Variants in EPHX3 observed in about 807,000 individuals in gnomAD.
EPHX3 encodes the protein epoxide hydrolase 3, also known as abhydrolase domain containing 9.
EPHX3 carries 39 observed loss-of-function variants against 40.2 expected under a neutral mutation model. The observed-to-expected ratio is 0.97, with a 90% confidence interval of 0.75 to 1.27. The LOEUF is 1.27. EPHX3 is among the 50% of genes most tolerant of loss of function. The probability of loss-of-function intolerance (pLI) is 0.00; values close to 1 mark genes in which losing one functional copy is unlikely to be tolerated. For missense variants in EPHX3, 442 were observed against 474.0 expected, an observed-to-expected ratio of 0.93 and a Z score of 0.63; for synonymous variants, 213 against 209.7, an observed-to-expected ratio of 1.02 and a Z score of -0.14.
At chr19:15,230,862 CT>C (rs1166630755) in intron 4 of EPHX3, 99 bp downstream of exon 4, 48 of 1,507,418 alleles carry the variant, frequency 3.2e-5, no homozygotes, top group Non-Finnish European at 4.0e-5. Context: ...CCCTCAGCCC[CT>C]GATGTGTTGA....
In EPHX3 at chr19:15,231,096, G is replaced by A. The variant is rs1463359125; in HGVS notation, c.488-6C>T. The A allele has an allele frequency of 1.2e-6, 2 of 1,613,888 alleles. No individual in the cohort carries two copies. The highest frequency in any genetic ancestry group is 1.6e-4 in the Middle Eastern group (1 of 6,062). ...AAGGATGCACTTCGAGTAACCTGTG[G>A]GAATTCAAGGAGCTCGCATAAGTGA... On this transcript the variant is annotated splice_polypyrimidine_tract_variant and splice_region_variant and intron_variant, in intron 3 of 6. Coordinates refer to ENST00000221730, the MANE Select transcript of EPHX3 (RefSeq NM_024794.3).
chr19:15,227,154 C>A lies in EPHX3; in HGVS notation c.*283G>T, dbSNP rs1041947546. ...CCAGGAAGGGAGGAGGTGGGACACT[C>A]GGTCTCGGCATCTGGCTCCACTGGA... On this transcript the variant is annotated 3_prime_UTR_variant, in exon 7 of 7. Transcript: ENST00000221730. 2.8e-5 allele frequency: 12 copies of A among 431,530 alleles called. No homozygotes were observed. The highest frequency in any genetic ancestry group is 4.2e-5 in the Non-Finnish European group (10 of 236,812). The allele number at this position is 431,530 out of a possible 1,614,324, so 26.7% of individuals were successfully genotyped here.
chr19:15,229,647 C>A (rs1483680153), intron 4 of EPHX3, among the ~76,000 whole-genome samples: 1 of 149,484 alleles, frequency 6.7e-6, no homozygotes, highest in African/African-American at 2.5e-5. Flanking sequence ...ATACTCCCAG[C>A]ACTTTGAGAG....
Position 15,227,610 on chromosome 19 carries a change from C to T in EPHX3, c.910G>A (p.Gly304Arg), listed in dbSNP as rs377371941. Residue 304 changes from glycine to arginine, a missense_variant, in exon 7 of 7, where the codon GGG becomes AGG. Coordinates refer to ENST00000221730, the MANE Select transcript of EPHX3 (RefSeq NM_024794.3). ...ELTTPTLLLWGEKDTYLELGL... is the reference protein window; with the variant it reads ...ELTTPTLLLWREKDTYLELGL... ...AGCTCCAAGTAAGTGTCCTTCTCCC[C>T]CCACAGCAGCAATGTGGGTGTGGTC... 6.2e-7 allele frequency: 1 copy of T among 1,614,018 alleles called. No individual in the cohort carries two copies. Among genetic ancestry groups the T allele is most frequent in the East Asian group, 2.2e-5 (1 of 44,884 alleles).
upstream of EPHX3, chr19:15,232,554 C>G: frequency 4.4e-6 from 2 of 454,242 alleles, no homozygotes; most frequent in Non-Finnish European, 5.7e-6. Context: ...CCCAGGAAGA[C>G]TCAGCAGCGG....
upstream of EPHX3, among the ~76,000 whole-genome samples, chr19:15,234,002 G>T (rs1335409880): frequency 1.3e-5 from 2 of 151,678 alleles, no homozygotes; most frequent in Non-Finnish European, 2.9e-5. Context: ...GGAGGTTGCA[G>T]TGAGCTGAGA....
rs913379286 is a variant in EPHX3, at chr19:15,232,233, G to C, written c.-22C>G. 1.2e-5 allele frequency: 17 copies of C among 1,468,906 alleles called. No individual in the cohort carries two copies. The highest frequency in any genetic ancestry group is 1.3e-5 in the South Asian group (1 of 75,502). 91.0% of individuals were successfully genotyped at this position (1,468,906 alleles called of 1,614,324 possible). A position where few individuals can be genotyped will look rare whatever the true frequency, so the allele number is the denominator to read the frequency against. ...GCATGTCGCCGCGCTCCGGGACCAC[G>C]GCGGCGCTGCCGGCCAGGGGCACCT... On this transcript the variant is annotated 5_prime_UTR_variant, in exon 1 of 7. Coordinates refer to ENST00000221730, the MANE Select transcript of EPHX3 (RefSeq NM_024794.3).
upstream of EPHX3, chr19:15,235,594 A>C (rs867573122): frequency 6.6e-6 from 1 of 152,136 alleles, no homozygotes; most frequent in Middle Eastern, 3.4e-3. Flanking sequence ...TTTCGTATGT[A>C]AGTGAAAAGT....
intron 5 of EPHX3, 38 bp downstream of exon 5, chr19:15,227,959 C>T (rs1222127110): frequency 1.2e-6 from 2 of 1,614,072 alleles, no homozygotes; most frequent in South Asian, 1.1e-5. Flanking sequence ...CCAGCCCCGA[C>T]CTGCTTCCCT....
At chr19:15,231,907 A>T in intron 1 of EPHX3, 46 bp from the exon 2 acceptor site, 4 of 1,612,916 alleles carry the variant, frequency 2.5e-6, no homozygotes, top group Non-Finnish European at 3.4e-6. Flanking sequence ...CTCTCTCCCG[A>T]GGCTTGAACC....
upstream of EPHX3, among the ~76,000 whole-genome samples, chr19:15,235,206 T>C (rs893045355): frequency 6.6e-6 from 1 of 152,126 alleles, no homozygotes; most frequent in African/African-American, 2.4e-5. Flanking sequence ...AGTTTCACCA[T>C]GTTGGCCAGG....
At chr19:15,230,312 G>A (rs2145482944) in intron 4 of EPHX3, among the ~76,000 whole-genome samples, 1 of 152,028 alleles carries the variant, frequency 6.6e-6, no homozygotes, top group African/African-American at 2.4e-5. Flanking sequence ...GAGACTACAA[G>A]CGTGCACTAC....
At chr19:15,231,895 C>G (rs1350792369) in intron 1 of EPHX3, 34 bp from the exon 2 acceptor site, 1 of 1,612,824 alleles carries the variant, frequency 6.2e-7, no homozygotes, top group Non-Finnish European at 8.5e-7. Context: ...GCCTGGGGAA[C>G]CCTCTCTCCC....
chr19:15,231,452 C>T, intron 2 of EPHX3, 56 bp from the exon 3 acceptor site: 1 of 1,581,478 alleles, frequency 6.3e-7, no homozygotes, highest in Non-Finnish European at 8.6e-7. Context: ...TGCACCTGCA[C>T]CCTACGCACA....
At chr19:15,229,550 C>T (rs181049584) in intron 4 of EPHX3, among the ~76,000 whole-genome samples, 39 of 143,380 alleles carry the variant, frequency 2.7e-4, no homozygotes, top group African/African-American at 8.3e-4. Context: ...TGCCGTGAGC[C>T]GACATTGCGC....
chr19:15,231,675 G>T, intron 2 of EPHX3, 101 bp downstream of exon 2: 1 of 1,276,504 alleles, frequency 7.8e-7, no homozygotes, highest in Non-Finnish European at 1.1e-6. Flanking sequence ...TCTATGTTCA[G>T]CTTGTCCCGA....
chr19:15,231,084 G>T lies in EPHX3; in HGVS notation c.494C>A (p.Ser165Ter), dbSNP rs1199749851. ...IKDVILGLGYSKCILVAHDWG... is the reference protein window; with the variant it reads ...IKDVILGLGY ...GTCATGGGCCACAAGGATGCACTTC[G>T]AGTAACCTGTGGGAATTCAAGGAGC... The change falls in exon 4 of 7, where the codon TCG becomes TAG. Residue 165 changes from serine (S) to a stop codon, truncating the protein, a stop_gained. Coordinates refer to ENST00000221730, the MANE Select transcript of EPHX3 (RefSeq NM_024794.3). LOFTEE classifies it high-confidence loss of function. The T allele has an allele frequency of 6.2e-7, 1 of 1,613,968 alleles. No individual in the cohort carries two copies. The highest frequency in any genetic ancestry group is 2.2e-5 in the East Asian group (1 of 44,884).
chr19:15,230,073 C>T (rs2047143289), intron 4 of EPHX3, among the ~76,000 whole-genome samples: 1 of 151,728 alleles, frequency 6.6e-6, no homozygotes, highest in South Asian at 2.1e-4. Context: ...CCTTCATAAG[C>T]CCAGGAGCCT....
At chr19:15,232,643 G>A (rs1196735748), upstream of EPHX3, among the ~76,000 whole-genome samples, 3 of 152,120 alleles carry the variant, frequency 2.0e-5, no homozygotes, top group African/African-American at 7.2e-5. Context: ...TTGGTAGGCC[G>A]AGGCGGGCGG....
Sources: gnomAD v4.1 joint callset for allele counts (sites outside exome capture counted in the v4.1 genomes callset) on GRCh38, gnomAD v4.1.1 for gene constraint, MANE v1.5 for transcripts, NCBI Gene and HGNC (gene_info 2026-07-23, HGNC 2026-07-21) for gene names.